CACNA1S: variants seen among roughly 807,000 people sequenced by gnomAD.
The protein encoded by CACNA1S is voltage-dependent L-type calcium channel subunit alpha-1S.
Under a neutral mutation model 207.4 loss-of-function variants are expected in CACNA1S, and 126 were observed. That is an observed-to-expected ratio of 0.61 (90% CI 0.53 to 0.70). CACNA1S has a LOEUF of 0.70. CACNA1S is among the 30% of genes least tolerant of loss of function. The pLI is 0.00. For missense variants in CACNA1S, 2,349 were observed against 2,422.8 expected, an observed-to-expected ratio of 0.97 and a Z score of 0.64; for synonymous variants, 960 against 932.7, an observed-to-expected ratio of 1.03 and a Z score of -0.53.
At chr1:201,040,767 C>T (rs1660144217) in intron 41 of CACNA1S, 54 bp from the exon 42 acceptor site, 1 of 1,449,158 alleles carries the variant, frequency 6.9e-7, no homozygotes, top group Admixed American at 1.7e-5. Context: ...TGCCAGGAGC[C>T]CTGAGTCAAC....
chr1:201,074,842 T>C (rs1008105446), intron 13 of CACNA1S, among the ~76,000 whole-genome samples: 5 of 152,200 alleles, frequency 3.3e-5, no homozygotes, highest in African/African-American at 4.8e-5. Context: ...TCCCATCCGT[T>C]TCCTGTCCAG....
intron 43 of CACNA1S, 59 bp from the exon 44 acceptor site, chr1:201,040,141 G>C (rs1165975901): frequency 6.2e-7 from 1 of 1,611,584 alleles, no homozygotes; most frequent in Non-Finnish European, 8.5e-7. Context: ...TTGGGGACCT[G>C]CCTCTGTTGG....
intron 23 of CACNA1S, 118 bp downstream of exon 23, chr1:201,062,344 G>C: frequency 9.0e-7 from 1 of 1,106,208 alleles, no homozygotes; most frequent in Non-Finnish European, 1.4e-6. Flanking sequence ...CCCTGTGATC[G>C]TCCTGCCACA....
chr1:201,078,340 C>T (rs949483388), intron 10 of CACNA1S, among the ~76,000 whole-genome samples: 42 of 152,078 alleles, frequency 2.8e-4, no homozygotes, highest in African/African-American at 8.0e-4. Context: ...TCCCCACTAC[C>T]GGCATGCACC....
intron 23 of CACNA1S, 75 bp downstream of exon 23, chr1:201,062,387 T>A: frequency 3.5e-6 from 5 of 1,416,446 alleles, no homozygotes; most frequent in Non-Finnish European, 5.0e-6. Flanking sequence ...CCTCCCACAG[T>A]GCTCCCTGCC....
chr1:201,097,440 C>G (rs2102172564), intron 2 of CACNA1S, among the ~76,000 whole-genome samples: 1 of 150,842 alleles, frequency 6.6e-6, no homozygotes, highest in Middle Eastern at 3.4e-3. Flanking sequence ...GCTGCCCCAG[C>G]CTCCACCTTT....
chr1:201,053,452 G>C lies in CACNA1S; in HGVS notation c.3795+7C>G, dbSNP rs1660728008. 1 of 1,614,144 alleles carries C rather than the reference G, an allele frequency of 6.2e-7. No homozygotes were observed. Among genetic ancestry groups the C allele is most frequent in the Non-Finnish European group, 8.5e-7 (1 of 1,180,008 alleles). The stretch of plus-strand genomic sequence containing the variant: ...GGTACGTGCAGTTTCCAGGGTCCCT[G>C]TTGCACCTGGAAGGACTTGATGAAC... On this transcript the variant is annotated splice_region_variant and intron_variant, in intron 30 of 43. Transcript: ENST00000362061. The surrounding 1 kb of genome is among the most constrained non-coding windows in gnomAD (Gnocchi z 5.1).
intron 2 of CACNA1S, among the ~76,000 whole-genome samples, chr1:201,102,848 C>T (rs1311990384): frequency 6.6e-6 from 1 of 152,120 alleles, no homozygotes; most frequent in African/African-American, 2.4e-5. Context: ...TTTGTCAGAT[C>T]CCGCCCTCAA....
rs777750789 is a variant in CACNA1S at position 201,084,968 on chromosome 1, T to C, written c.1214A>G (p.Asn405Ser). Residue 405 changes from asparagine (N) to serine (S), a missense_variant, in exon 9 of 44, where the codon AAC becomes AGC. Physicochemically the swap from Asn to Ser is conservative, Grantham distance 46 (BLOSUM62 1). Transcript: ENST00000362061. Reference protein sequence around the residue: ...TESLYEIAGLNKIIQFIRHWR... With the variant: ...TESLYEIAGLSKIIQFIRHWR... ...TACTCACATGAACTGGATGATTTTG[T>C]TCAAGCCTGCAATTTCATACAGGCT... 8 of 1,612,742 alleles carry C rather than the reference T, an allele frequency of 5.0e-6. No individual in the cohort carries two copies. In the African/African-American group the frequency reaches 8.0e-5, roughly 16 times the overall value.
chr1:201,053,194 C>T lies in CACNA1S; in HGVS notation c.3861+15G>A, dbSNP rs777836467. 16 of 1,614,052 alleles carry T rather than the reference C, an allele frequency of 9.9e-6. No individual in the cohort carries two copies. Among genetic ancestry groups the T allele is most frequent in the Non-Finnish European group, 1.3e-5 (15 of 1,180,026 alleles). ...CCAAGATCCATGCTTTGGCCTGGGCCCGCCTGCCTCTCACCTGCATGCCGA... is the reference window on the plus strand; with the variant it reads ...CCAAGATCCATGCTTTGGCCTGGGCTCGCCTGCCTCTCACCTGCATGCCGA... On this transcript the variant is annotated intron_variant, in intron 31 of 43. Transcript: ENST00000362061. The surrounding 1 kb of genome is among the most constrained non-coding windows in gnomAD (Gnocchi z 5.1).
At chr1:201,099,457 C>T (rs1183644355) in intron 2 of CACNA1S, among the ~76,000 whole-genome samples, 2 of 152,232 alleles carry the variant, frequency 1.3e-5, no homozygotes, top group African/African-American at 4.8e-5. Context: ...CTGCCTGTCA[C>T]CTGGGCCTGA....
chr1:201,094,051 C>G, intron 2 of CACNA1S, 30 bp from the exon 3 acceptor site: 1 of 1,613,898 alleles, frequency 6.2e-7, no homozygotes, highest in Non-Finnish European at 8.5e-7. Context: ...CACAGCATGC[C>G]TCTGTGCTCT....
In CACNA1S at chr1:201,070,420, G is replaced by T. The variant is rs1303012599; in HGVS notation, c.2228-16C>A. On this transcript the variant is annotated splice_polypyrimidine_tract_variant and intron_variant, in intron 16 of 43. Coordinates refer to ENST00000362061, the MANE Select transcript of CACNA1S (RefSeq NM_000069.3). ...TCGTCATCCCCTGTGGGGAGAGAGAGAGGAATTAGGGGTGTCTTCCCATGC... is the reference window on the plus strand; with the variant it reads ...TCGTCATCCCCTGTGGGGAGAGAGATAGGAATTAGGGGTGTCTTCCCATGC... 1.9e-6 allele frequency: 3 copies of T among 1,613,366 alleles called. No individual in the cohort carries two copies. Among genetic ancestry groups the T allele is most frequent in the Non-Finnish European group, 2.5e-6 (3 of 1,179,924 alleles).
In CACNA1S at chr1:201,066,072, G is replaced by A; in HGVS notation, c.2746-127C>T. ...GAGTTGGAGGTGGGGAAAGGCTGGT[G>A]GGGAAGCATAGCTACCCCAGCCTCA... On this transcript the variant is annotated intron_variant, in intron 21 of 43. Transcript: ENST00000362061. This position sits in a 1 kb window ranked among gnomAD's most constrained non-coding sequence, Gnocchi z 4.3. 1 of 928,368 alleles carries A rather than the reference G, an allele frequency of 1.1e-6. No individual in the cohort carries two copies. The highest frequency in any genetic ancestry group is 1.7e-6 in the Non-Finnish European group (1 of 579,770). 57.5% of individuals were successfully genotyped at this position (928,368 alleles called of 1,614,324 possible).
In CACNA1S at chr1:201,096,738, T is replaced by TGTGA. The variant is rs529766812; in HGVS notation, c.259-2718_259-2717insTCAC. ...TCATGGTGAGGATTAAATGGCACCTTGTAAGTGTCTACCCCTGCCTGGCAT... is the reference window on the plus strand; with the variant it reads ...TCATGGTGAGGATTAAATGGCACCTTGTGAGTAAGTGTCTACCCCTGCCTGGCAT... On this transcript the variant is annotated intron_variant, in intron 2 of 43. Transcript: ENST00000362061. Among the ~76,000 whole-genome samples the TGTGA allele has an allele frequency of 2.3e-3, 346 of 152,318 alleles. 2 individuals are homozygous for TGTGA. Among genetic ancestry groups the TGTGA allele is most frequent in the African/African-American group, 8.0e-3 (332 of 41,572 alleles).
In CACNA1S at chr1:201,062,495, G is replaced by A; in HGVS notation, c.2873C>T (p.Thr958Ile). The change falls in exon 23 of 44, where the codon ACC (threonine) becomes ATC (isoleucine). Residue 958 changes from threonine (T) to isoleucine (I), a missense_variant. Thr to Ile is a moderately conservative substitution (Grantham distance 89, BLOSUM62 -1). Coordinates refer to ENST00000362061, the MANE Select transcript of CACNA1S (RefSeq NM_000069.3). ...QLFKGKFFRCTDLSKMTEEEC... is the reference protein window; with the variant it reads ...QLFKGKFFRCIDLSKMTEEEC... ...CTCCTCTGTCATCTTGGACAAGTCG[G>A]TGCACCTGAAGAACTTCCCCTGCAG... The A allele has an allele frequency of 3.1e-6, 5 of 1,613,686 alleles. No individual in the cohort carries two copies. Among genetic ancestry groups the A allele is most frequent in the Non-Finnish European group, 4.2e-6 (5 of 1,179,838 alleles).
rs1023174180 is a variant in CACNA1S at position 201,069,542 on chromosome 1, A to G, written c.2420T>C (p.Leu807Pro). The G allele has an allele frequency of 6.3e-7, 1 of 1,581,788 alleles. No homozygotes were observed. The highest frequency in any genetic ancestry group is 8.6e-7 in the Non-Finnish European group (1 of 1,164,792). The change falls in exon 18 of 44, where the codon CTC becomes CCC. Residue 807 changes from leucine to proline, a missense_variant. Leu to Pro is a moderately conservative substitution (Grantham distance 98). Coordinates refer to ENST00000362061, the MANE Select transcript of CACNA1S (RefSeq NM_000069.3). ...TGCAGCGCTGCTGAGCAGGATGAAG[A>G]GCAGGATGAAGTTGGTAAACCAGGT... ...NATWFTNFIL[L>P]FILLSSAALA...
intron 16 of CACNA1S, among the ~76,000 whole-genome samples, chr1:201,070,853 G>T (rs557533190): frequency 1.1e-4 from 16 of 152,120 alleles, no homozygotes; most frequent in Non-Finnish European, 1.0e-4. Context: ...TTGTGAAACC[G>T]ACAAGGGGCA....
At chr1:201,064,945 C>T (rs1161959346) in intron 22 of CACNA1S, among the ~76,000 whole-genome samples, 10 of 152,152 alleles carry the variant, frequency 6.6e-5, no homozygotes, top group South Asian at 2.1e-4. Flanking sequence ...GCTGCACTGA[C>T]GGAGGCGGAG....
Sources: gnomAD v4.1 joint callset for allele counts (sites outside exome capture counted in the v4.1 genomes callset) on GRCh38, gnomAD v4.1.1 for gene constraint, Gnocchi (gnomAD v3.1) non-coding constraint, MANE v1.5 for transcripts, NCBI Gene and HGNC (gene_info 2026-07-23, HGNC 2026-07-21) for gene names.